NTNG1: variants seen among roughly 807,000 people sequenced by gnomAD.
NTNG1 encodes netrin-G1.
NTNG1 carries 16 observed loss-of-function variants against 54.0 expected under a neutral mutation model. That is an observed-to-expected ratio of 0.30 (90% confidence interval 0.20 to 0.45). The LOEUF is 0.45. Ranked by LOEUF, NTNG1 falls within the 20% of genes least tolerant of loss-of-function variation. The pLI, the probability that NTNG1 is intolerant of heterozygous loss-of-function variation, is 1.00. For synonymous variants in NTNG1, 255 were observed against 263.1 expected (o/e 0.97, Z 0.30); for missense variants, 530 against 678.7 (o/e 0.78, Z 2.43).
chr1:107,339,742 T>A (rs975671937), intron 3 of NTNG1, among the ~76,000 whole-genome samples: 3 of 152,072 alleles, frequency 2.0e-5, no homozygotes, highest in Non-Finnish European at 2.9e-5. Flanking sequence ...AACTGTAACA[T>A]GGAAAATAAT....
At chr1:107,229,734 T>C (rs1660932414) in intron 2 of NTNG1, among the ~76,000 whole-genome samples, 1 of 152,124 alleles carries the variant, frequency 6.6e-6, no homozygotes, top group African/African-American at 2.4e-5. Flanking sequence ...ACTTTTTTTT[T>C]TATTTAAAAA....
chr1:107,192,676 A>T (rs1658050759), intron 2 of NTNG1, among the ~76,000 whole-genome samples: 1 of 152,046 alleles, frequency 6.6e-6, no homozygotes. Flanking sequence ...AAATGTGTAC[A>T]TAGTTTAAAA....
At chr1:107,441,855 C>G (rs1303636865) in intron 7 of NTNG1, among the ~76,000 whole-genome samples, 1 of 151,798 alleles carries the variant, frequency 6.6e-6, no homozygotes, top group Non-Finnish European at 1.5e-5. Flanking sequence ...AAAACATATT[C>G]AAAAGAAATA....
chr1:107,214,944 C>A lies in NTNG1; in HGVS notation c.246+66105C>A, dbSNP rs551837481. On this transcript the variant is annotated intron_variant, in intron 2 of 7. Transcript: ENST00000370068. ...TTGTATATATTTTTTTGATAATTGT[C>A]TATTTTGTCCTTAGCCCACTTTTTG... Among the ~76,000 whole-genome samples, 300 of 151,758 alleles carry A rather than the reference C, an allele frequency of 2.0e-3. 1 individual carries two copies. Among genetic ancestry groups the A allele is most frequent in the African/African-American group, 6.9e-3 (285 of 41,404 alleles).
chr1:107,237,692 G>T (rs914263128), intron 2 of NTNG1, among the ~76,000 whole-genome samples: 1 of 152,164 alleles, frequency 6.6e-6, no homozygotes, highest in Non-Finnish European at 1.5e-5. Flanking sequence ...AGGGGCCACT[G>T]TAGAGCTCAA....
chr1:107,210,801 A>T (rs988244434), intron 2 of NTNG1, among the ~76,000 whole-genome samples: 15 of 152,196 alleles, frequency 9.9e-5, no homozygotes, highest in Admixed American at 5.9e-4. Context: ...TGCCTCTTTA[A>T]TCTTATTTAC....
At chr1:107,340,370 T>A (rs1484350391) in intron 3 of NTNG1, among the ~76,000 whole-genome samples, 1 of 152,062 alleles carries the variant, frequency 6.6e-6, no homozygotes, top group Admixed American at 6.6e-5. Flanking sequence ...TCAGACTGAA[T>A]GAAAGGCTCA....
At chr1:107,371,313 C>G (rs760296723) in intron 3 of NTNG1, among the ~76,000 whole-genome samples, 2 of 152,014 alleles carry the variant, frequency 1.3e-5, no homozygotes, top group Non-Finnish European at 2.9e-5. Flanking sequence ...AATATACACA[C>G]TTTACTTAGT....
At chr1:107,320,819 G>C (rs557107274) in intron 2 of NTNG1, among the ~76,000 whole-genome samples, 1 of 151,854 alleles carries the variant, frequency 6.6e-6, no homozygotes, top group Admixed American at 6.6e-5. Context: ...AAAAGAGCAC[G>C]AGTGTTATGA....
At chr1:107,434,551 C>T (rs1268464194) in intron 6 of NTNG1, among the ~76,000 whole-genome samples, 1 of 152,096 alleles carries the variant, frequency 6.6e-6, no homozygotes, top group Non-Finnish European at 1.5e-5. Context: ...CACAATGAAA[C>T]AGAGCTCAGC....
chr1:107,170,795 A>G (rs1330527728), intron 2 of NTNG1, among the ~76,000 whole-genome samples: 3 of 152,164 alleles, frequency 2.0e-5, no homozygotes, highest in African/African-American at 7.2e-5. Context: ...TTATTAAGTT[A>G]CCATTGCTGA....
intron 7 of NTNG1, among the ~76,000 whole-genome samples, chr1:107,467,250 A>AC (rs1677665439): frequency 6.6e-6 from 1 of 152,186 alleles, no homozygotes; most frequent in African/African-American, 2.4e-5. Flanking sequence ...GTGAACGATG[A>AC]TTTTTTTCAA....
intron 2 of NTNG1, among the ~76,000 whole-genome samples, chr1:107,295,007 T>A (rs968327511): frequency 1.1e-4 from 16 of 152,210 alleles, no homozygotes; most frequent in Non-Finnish European, 1.8e-4. Flanking sequence ...TACTTGCCCT[T>A]TTGCAAATTC....
At chr1:107,320,620 C>A (rs1440466168) in intron 2 of NTNG1, among the ~76,000 whole-genome samples, 2 of 148,838 alleles carry the variant, frequency 1.3e-5, no homozygotes, top group African/African-American at 2.5e-5. Context: ...CCAGCTTTTT[C>A]TTTGGGGAAG....
At chr1:107,218,035 G>A (rs1389585381) in intron 2 of NTNG1, among the ~76,000 whole-genome samples, 1 of 152,148 alleles carries the variant, frequency 6.6e-6, no homozygotes, top group East Asian at 1.9e-4. Context: ...AGTGCTGTCA[G>A]TGGAGCACTG....
chr1:107,271,073 A>T (rs1373892610), intron 2 of NTNG1, among the ~76,000 whole-genome samples: 3 of 152,320 alleles, frequency 2.0e-5, no homozygotes, highest in East Asian at 3.9e-4. Context: ...AAAACAATAG[A>T]CACAAATCTA....
chr1:107,237,365 A>T (rs1173359264), intron 2 of NTNG1, among the ~76,000 whole-genome samples: 2 of 152,216 alleles, frequency 1.3e-5, no homozygotes, highest in African/African-American at 2.4e-5. Context: ...TCGTTTTTAT[A>T]AAGAAAGCAG....
At chr1:107,472,414 C>T (rs1678042718) in intron 7 of NTNG1, among the ~76,000 whole-genome samples, 1 of 152,182 alleles carries the variant, frequency 6.6e-6, no homozygotes, top group African/African-American at 2.4e-5. Flanking sequence ...AAACCTGTAA[C>T]CTGTAGCCTA....
chr1:107,452,150 T>C (rs748549475), intron 7 of NTNG1, among the ~76,000 whole-genome samples: 1 of 152,176 alleles, frequency 6.6e-6, no homozygotes, highest in East Asian at 1.9e-4. Context: ...AAGCACAACA[T>C]CTGCAGTAAA....
Sources: gnomAD v4.1 joint callset for allele counts (sites outside exome capture counted in the v4.1 genomes callset) on GRCh38, gnomAD v4.1.1 for gene constraint, MANE v1.5 for transcripts, NCBI Gene and HGNC (gene_info 2026-07-23, HGNC 2026-07-21) for gene names.